Variants in GAB3 observed in about 807,000 individuals in gnomAD.
GAB3 encodes GRB2-associated-binding protein 3.
A neutral mutation model predicts 40.4 loss-of-function variants in GAB3; 12 were observed. The observed-to-expected ratio is 0.30, with a 90% CI of 0.19 to 0.48. GAB3 has a LOEUF of 0.48. Among genes scored for constraint, GAB3 ranks in the 20% least tolerant of loss-of-function variants. GAB3 has a pLI of 0.99. For missense variants in GAB3, 381 were observed against 461.9 expected, an observed-to-expected ratio of 0.82 and a Z score of 1.61; for synonymous variants, 154 against 176.7, an observed-to-expected ratio of 0.87 and a Z score of 1.02.
intron 8 of GAB3, among the ~76,000 whole-genome samples, chrX:154,695,367 C>G (rs2070640894): frequency 9.0e-6 from 1 of 111,626 alleles, no homozygotes; most frequent in Admixed American, 9.5e-5. Flanking sequence ...AATCAAGTCT[C>G]CATCCACTCA....
intron 1 of GAB3, among the ~76,000 whole-genome samples, chrX:154,749,596 A>G (rs142448951): frequency 2.9e-4 from 33 of 112,786 alleles, no homozygotes; most frequent in African/African-American, 1.0e-3. Flanking sequence ...TCAAAAGCAA[A>G]TGATGTAGGG....
intron 1 of GAB3, among the ~76,000 whole-genome samples, chrX:154,748,503 A>G (rs1288235819): frequency 1.8e-5 from 2 of 112,222 alleles, no homozygotes; most frequent in South Asian, 3.7e-4. Flanking sequence ...ACAGATGAAA[A>G]TAACTATCTT....
At chrX:154,720,483 G>A (rs1347031039) in intron 1 of GAB3, among the ~76,000 whole-genome samples, 2 of 110,271 alleles carry the variant, frequency 1.8e-5, no homozygotes, top group African/African-American at 3.3e-5. Context: ...AAAATTAGCC[G>A]GGCGAGGTAG....
intron 8 of GAB3, among the ~76,000 whole-genome samples, chrX:154,691,274 G>T (rs1412546707): frequency 1.3e-5 from 1 of 77,803 alleles, no homozygotes; most frequent in Non-Finnish European, 2.4e-5. Flanking sequence ...GTTGTGGGGT[G>T]GGGGGAGGGG....
At chrX:154,708,627 C>T (rs1430941243) in intron 4 of GAB3, among the ~76,000 whole-genome samples, 1 of 112,046 alleles carries the variant, frequency 8.9e-6, no homozygotes, top group East Asian at 2.8e-4. Flanking sequence ...ACATCACTAA[C>T]CATCATGGAA....
intron 4 of GAB3, among the ~76,000 whole-genome samples, chrX:154,706,415 CAA>C (rs35975601): frequency 1.3e-3 from 117 of 93,454 alleles, no homozygotes; most frequent in Middle Eastern, 5.4e-3. Context: ...GACTCCATCT[CAA>C]AAAAAAAAAA....
intron 9 of GAB3, among the ~76,000 whole-genome samples, 153 bp from the exon 10 acceptor site, chrX:154,678,447 C>T (rs782374834): frequency 8.9e-6 from 1 of 112,857 alleles, no homozygotes; most frequent in Non-Finnish European, 1.9e-5. Flanking sequence ...TGTGCACGCA[C>T]GTGCTTCTGC....
chrX:154,689,882 C>A (rs782716236), intron 8 of GAB3, among the ~76,000 whole-genome samples: 9,218 of 97,763 alleles, frequency 0.094, 1,162 homozygotes, highest in African/African-American at 0.31. Flanking sequence ...CATCAAGCTA[C>A]CAATGCCTTT....
chrX:154,690,161 T>C (rs1363099702), intron 8 of GAB3, among the ~76,000 whole-genome samples: 1 of 108,259 alleles, frequency 9.2e-6, no homozygotes, highest in African/African-American at 3.3e-5. Flanking sequence ...AAACAAGCAA[T>C]GGGGAAAGGA....
chrX:154,707,162 G>A (rs1004173206), intron 4 of GAB3, among the ~76,000 whole-genome samples: 8 of 111,118 alleles, frequency 7.2e-5, no homozygotes, highest in Middle Eastern at 4.2e-3. Context: ...TCTCCCTCAT[G>A]AACACAGATT....
At position 154,731,536 on chromosome X, in the gene GAB3, G is replaced by A. The variant is rs1479099812; in HGVS notation, c.73-15207C>T. ...ACATTATGAAGGTACAGTAGTTAATGCCACTGAACTGTCCCCTTACGCGTG... is the reference window on the plus strand; with the variant it reads ...ACATTATGAAGGTACAGTAGTTAATACCACTGAACTGTCCCCTTACGCGTG... On this transcript the variant is annotated intron_variant, in intron 1 of 9. Transcript: ENST00000424127. 2.7e-5 allele frequency among the ~76,000 whole-genome samples: 3 copies of A among 111,955 alleles called. No individual in the cohort carries two copies. The Admixed American group carries it at 2.8e-4, about 11-fold the overall frequency.
chrX:154,711,532 G>A (rs1032816916), intron 4 of GAB3, among the ~76,000 whole-genome samples: 1 of 111,896 alleles, frequency 8.9e-6, no homozygotes, highest in Non-Finnish European at 1.9e-5. Context: ...AGAATTGCAA[G>A]ATAACCTCGT....
rs1557257611 is a variant in GAB3 at position 154,716,229 on chromosome X, C to T, written c.173G>A (p.Arg58Gln). 4 of 1,211,671 alleles carry T rather than the reference C, an allele frequency of 3.3e-6. No individual in the cohort carries two copies. Among genetic ancestry groups the T allele is most frequent in the Admixed American group, 2.2e-5 (1 of 46,078 alleles). ...YRNKHSSKPI[R>Q]VIDLSECAVW... ...TGCACACTCGCTGAGGTCTATCACC[C>T]GGATGGGCTTGCTGGAGTGCTTGTT... Residue 58 changes from arginine (R) to glutamine (Q), a missense_variant, in exon 2 of 10, where the codon CGG becomes CAG. Arg to Gln is a conservative substitution (Grantham distance 43, BLOSUM62 1). This residue lies in a region of GAB3 where 364 missense variants were observed against 421.0 expected (regional missense o/e 0.86). Coordinates refer to ENST00000424127, the MANE Select transcript of GAB3 (RefSeq NM_001081573.3).
intron 1 of GAB3, among the ~76,000 whole-genome samples, chrX:154,732,648 T>A (rs782606191): frequency 1.2e-4 from 13 of 110,893 alleles, no homozygotes; most frequent in Non-Finnish European, 2.5e-4. Context: ...TGTGTGTGAG[T>A]CTAAGGGTGA....
intron 1 of GAB3, among the ~76,000 whole-genome samples, chrX:154,747,364 T>C (rs1236784633): frequency 8.9e-6 from 1 of 112,663 alleles, no homozygotes; most frequent in Admixed American, 9.4e-5. Context: ...AAAGGCAGTC[T>C]ACTCAATAAA....
At chrX:154,744,011 C>T (rs1228596536) in intron 1 of GAB3, among the ~76,000 whole-genome samples, 1 of 109,837 alleles carries the variant, frequency 9.1e-6, no homozygotes, top group African/African-American at 3.3e-5. Flanking sequence ...GTCAAGAGAT[C>T]GAGATCATCC....
chrX:154,727,138 A>G (rs2071224019), intron 1 of GAB3, among the ~76,000 whole-genome samples: 1 of 112,525 alleles, frequency 8.9e-6, no homozygotes, highest in South Asian at 3.6e-4. Flanking sequence ...AGAACGTCCC[A>G]CATGAACTGG....
At chrX:154,712,794 C>T (rs1557256641) in intron 3 of GAB3, 93 bp from the exon 4 acceptor site, 1 of 497,956 alleles carries the variant, frequency 2.0e-6, no homozygotes, top group Non-Finnish European at 3.1e-6. Context: ...CCCAGTACCA[C>T]CTTGCTTGCT....
chrX:154,738,996 C>T (rs782319207), intron 1 of GAB3, among the ~76,000 whole-genome samples: 1 of 111,462 alleles, frequency 9.0e-6, no homozygotes, highest in Non-Finnish European at 1.9e-5. Context: ...AGATTCTGAT[C>T]GTCTTTCCTG....
Sources: allele counts gnomAD v4.1 joint callset (sites outside exome capture counted in the v4.1 genomes callset), GRCh38; gene constraint gnomAD v4.1.1; regional missense constraint gnomAD v4.1.1; transcripts MANE v1.5; gene names NCBI Gene and HGNC (gene_info 2026-07-23, HGNC 2026-07-21).